The following LAMA2 variants were observed in gnomAD, a reference collection of about 807,000 sequenced individuals.
LAMA2 encodes the protein laminin subunit alpha 2, also known as laminin subunit alpha-2.
A neutral mutation model predicts 364.8 loss-of-function variants in LAMA2; 269 were observed. The observed-to-expected ratio is 0.74, with a 90% CI of 0.67 to 0.82. The LOEUF is 0.82. Ranked by LOEUF, LAMA2 falls within the 40% of genes least tolerant of loss-of-function variation. The pLI, the probability that LAMA2 is intolerant of heterozygous loss-of-function variation, is 0.00. For missense variants in LAMA2, 3,807 were observed against 3,873.2 expected, an observed-to-expected ratio of 0.98 and a Z score of 0.45; for synonymous variants, 1,379 against 1,370.6, an observed-to-expected ratio of 1.01 and a Z score of -0.14.
intron 12 of LAMA2, among the ~76,000 whole-genome samples, chr6:129,246,854 A>G (rs1785786923): frequency 6.6e-6 from 1 of 152,184 alleles, no homozygotes; most frequent in Non-Finnish European, 1.5e-5. Flanking sequence ...CTTTATCTAA[A>G]GCAAGAGGAA....
intron 1 of LAMA2, among the ~76,000 whole-genome samples, chr6:129,010,576 G>A (rs1471854142): frequency 6.6e-6 from 1 of 152,194 alleles, no homozygotes; most frequent in African/African-American, 2.4e-5. Context: ...TGACTCTAAG[G>A]TCATAACGTG....
chr6:129,435,758 A>G (rs932068950), intron 41 of LAMA2, among the ~76,000 whole-genome samples: 5 of 152,112 alleles, frequency 3.3e-5, no homozygotes, highest in African/African-American at 1.2e-4. Flanking sequence ...GTGAATCATT[A>G]ATTAATATGT....
intron 14 of LAMA2, among the ~76,000 whole-genome samples, chr6:129,253,306 C>A (rs1264895588): frequency 6.6e-6 from 1 of 152,150 alleles, no homozygotes; most frequent in South Asian, 2.1e-4. Flanking sequence ...CCCGGTATAC[C>A]TTTAATGAAA....
At chr6:129,115,855 A>T (rs1407621263) in intron 4 of LAMA2, among the ~76,000 whole-genome samples, 1 of 152,170 alleles carries the variant, frequency 6.6e-6, no homozygotes, top group African/African-American at 2.4e-5. Flanking sequence ...GAGATAATTT[A>T]CATAACACAT....
intron 1 of LAMA2, among the ~76,000 whole-genome samples, chr6:129,027,877 A>G (rs1037817666): frequency 5.9e-5 from 9 of 151,918 alleles, no homozygotes; most frequent in African/African-American, 2.2e-4. Flanking sequence ...TATCAGAGTG[A>G]GATTATGATA....
At chr6:129,446,569 G>A (rs73775418) in intron 45 of LAMA2, among the ~76,000 whole-genome samples, 1 of 35,074 alleles carries the variant, frequency 2.9e-5, no homozygotes, top group Non-Finnish European at 5.1e-5. Flanking sequence ...GGAGGGGAGG[G>A]GAGGGGAGGG....
intron 1 of LAMA2, among the ~76,000 whole-genome samples, chr6:128,897,080 A>G (rs1776818777): frequency 6.6e-6 from 1 of 152,206 alleles, no homozygotes; most frequent in Non-Finnish European, 1.5e-5. Flanking sequence ...CAACCAGTGA[A>G]CTGGTAGAGA....
intron 1 of LAMA2, among the ~76,000 whole-genome samples, chr6:128,941,975 A>G (rs938105141): frequency 6.6e-6 from 1 of 152,332 alleles, no homozygotes; most frequent in South Asian, 2.1e-4. Context: ...CACTATCTAA[A>G]TTTAGCTGTG....
intron 13 of LAMA2, among the ~76,000 whole-genome samples, chr6:129,250,520 T>C (rs769661565): frequency 6.6e-6 from 1 of 152,180 alleles, no homozygotes; most frequent in Non-Finnish European, 1.5e-5. Flanking sequence ...CTAATTTACA[T>C]GGTTGTGTTT....
chr6:128,970,414 T>G (rs1276582724), intron 1 of LAMA2, among the ~76,000 whole-genome samples: 1 of 152,210 alleles, frequency 6.6e-6, no homozygotes, highest in Non-Finnish European at 1.5e-5. Context: ...CCTACGAATG[T>G]TAAGAGTCTG....
chr6:129,418,598 AT>A (rs1000565517), intron 40 of LAMA2, among the ~76,000 whole-genome samples: 1 of 151,356 alleles, frequency 6.6e-6, no homozygotes, highest in Non-Finnish European at 1.5e-5. Flanking sequence ...GTCATATAGG[AT>A]TTTTTTTTAT....
chr6:128,989,199 A>C (rs914035593), intron 1 of LAMA2, among the ~76,000 whole-genome samples: 4 of 152,172 alleles, frequency 2.6e-5, no homozygotes, highest in African/African-American at 7.2e-5. Context: ...AATACAATTT[A>C]TAGTAAAGAA....
At chr6:129,054,712 AAAT>A (rs1259743982) in intron 2 of LAMA2, among the ~76,000 whole-genome samples, 5 of 148,476 alleles carry the variant, frequency 3.4e-5, no homozygotes, top group African/African-American at 9.8e-5. Context: ...AAATTTATAT[AAAT>A]AATATACACA....
chr6:129,057,548 C>T (rs1050016491), intron 2 of LAMA2, among the ~76,000 whole-genome samples: 2 of 152,126 alleles, frequency 1.3e-5, no homozygotes, highest in African/African-American at 2.4e-5. Context: ...TTTCACAAAT[C>T]GATCACACAT....
At position 129,202,205 on chromosome 6, in the gene LAMA2, A is replaced by AAAAAG. The variant is rs1562326743; in HGVS notation, c.1782+9367_1782+9371dup. On this transcript the variant is annotated intron_variant, in intron 12 of 64. Transcript: ENST00000421865. Reference sequence around the variant, plus strand: ...TCTGTCTCAAAAAAAAAAAAAAAAAAAAAAGAAAAGAAAAGAAAACACAAC... The same window carrying AAAAAG: ...TCTGTCTCAAAAAAAAAAAAAAAAAAAAAAGAAAAGAAAAGAAAAGAAAACACAAC... Among the ~76,000 whole-genome samples the AAAAAG allele has an allele frequency of 1.3e-4, 19 of 150,528 alleles. 2 individuals are homozygous for AAAAAG. The highest frequency in any genetic ancestry group is 3.9e-4 in the African/African-American group (16 of 40,614).
chr6:129,290,182 T>C (rs184167978), intron 19 of LAMA2, among the ~76,000 whole-genome samples: 2 of 152,254 alleles, frequency 1.3e-5, no homozygotes, highest in Admixed American at 1.3e-4. Context: ...ATTTTGTAGT[T>C]TACACTCCAA....
At chr6:128,885,098 T>A (rs1035550198) in intron 1 of LAMA2, among the ~76,000 whole-genome samples, 2 of 152,174 alleles carry the variant, frequency 1.3e-5, no homozygotes, top group Non-Finnish European at 2.9e-5. Context: ...AAATGCTACA[T>A]ACAATAAGGA....
At chr6:129,133,586 A>G (rs1472962376) in intron 4 of LAMA2, among the ~76,000 whole-genome samples, 3 of 152,214 alleles carry the variant, frequency 2.0e-5, no homozygotes, top group Non-Finnish European at 4.4e-5. Context: ...GTTTGCATAC[A>G]CACAATGTTA....
chr6:129,335,903 TA>T lies in LAMA2; in HGVS notation c.4312-6439del, dbSNP rs552721724. 9.8e-5 allele frequency among the ~76,000 whole-genome samples: 15 copies of T among 152,350 alleles called. 1 individual carries two copies. The South Asian group carries it at 2.9e-3, about 29-fold the overall frequency. The stretch of plus-strand genomic sequence containing the variant: ...TCTGCTGATTAAATGAGTTTGATTT[TA>T]CAAGCTCAAGTGAATTATATCTTAG... On this transcript the variant is annotated intron_variant, in intron 29 of 64. Transcript: ENST00000421865.
Sources: allele counts gnomAD v4.1 joint callset (sites outside exome capture counted in the v4.1 genomes callset), GRCh38; gene constraint gnomAD v4.1.1; transcripts MANE v1.5; gene names NCBI Gene and HGNC (gene_info 2026-07-23, HGNC 2026-07-21).